The following AFF2 variants were observed in gnomAD, a reference collection of about 807,000 sequenced individuals.
AFF2 encodes ALF transcription elongation factor 2, also known as AF4/FMR2 family member 2.
A neutral mutation model predicts 76.9 loss-of-function variants in AFF2; 14 were observed. The ratio of observed to expected loss-of-function variants is 0.18; its 90% confidence interval spans 0.12 to 0.28. The LOEUF (loss-of-function observed/expected upper bound fraction) is 0.28. AFF2 is among the 10% of genes least tolerant of loss of function. The pLI, the probability that AFF2 is intolerant of heterozygous loss-of-function variation, is 1.00. For synonymous variants in AFF2, 398 were observed against 366.7 expected, an observed-to-expected ratio of 1.09 and a Z score of -0.98; for missense variants, 868 against 1,001.1, an observed-to-expected ratio of 0.87 and a Z score of 1.79.
chrX:148,966,839 A>G lies in AFF2; in HGVS notation c.2963A>G (p.Asn988Ser). The G allele has an allele frequency of 8.3e-7, 1 of 1,211,211 alleles. No individual in the cohort carries two copies. The highest frequency in any genetic ancestry group is 1.1e-6 in the Non-Finnish European group (1 of 895,422). Residue 988 changes from asparagine (N) to serine (S), a missense_variant, in exon 14 of 21, where the codon AAT becomes AGT. This residue lies in a region of AFF2 where 532 missense variants were observed against 564.2 expected (regional missense o/e 0.94). Transcript: ENST00000370460. Reference protein sequence around the residue: ...KASSATITVTNTAIATATVTA... With the variant: ...KASSATITVTSTAIATATVTA... ...TCCTCTGCCACCATCACTGTCACCAATACTGCTATTGCCACTGCTACTGTC... is the reference window on the plus strand; with the variant it reads ...TCCTCTGCCACCATCACTGTCACCAGTACTGCTATTGCCACTGCTACTGTC...
chrX:148,835,946 C>A (rs1487113247), intron 4 of AFF2, among the ~76,000 whole-genome samples: 2 of 111,720 alleles, frequency 1.8e-5, no homozygotes, highest in East Asian at 2.8e-4. Flanking sequence ...ACAGCTCCCC[C>A]ATCCCAAGCT....
intron 3 of AFF2, among the ~76,000 whole-genome samples, chrX:148,669,046 C>T (rs2054391481): frequency 9.0e-6 from 1 of 111,538 alleles, no homozygotes; most frequent in Non-Finnish European, 1.9e-5. Flanking sequence ...CTGCCAGGTA[C>T]CCTAAATCAT....
intron 7 of AFF2, among the ~76,000 whole-genome samples, chrX:148,855,059 C>T (rs1441630453): frequency 9.0e-6 from 1 of 111,522 alleles, no homozygotes; most frequent in Non-Finnish European, 1.9e-5. Context: ...AAACAGATAT[C>T]AAATATTAAA....
intron 3 of AFF2, among the ~76,000 whole-genome samples, chrX:148,723,082 C>T (rs1164404186): frequency 9.0e-6 from 1 of 111,714 alleles, no homozygotes; most frequent in Non-Finnish European, 1.9e-5. Context: ...GTTTTCCACT[C>T]CACCACACAA....
intron 1 of AFF2, among the ~76,000 whole-genome samples, chrX:148,624,096 C>T (rs1275104782): frequency 9.0e-6 from 1 of 111,667 alleles, no homozygotes; most frequent in Admixed American, 9.5e-5. Flanking sequence ...TTTGTAAGGG[C>T]CAAGTCTTTA....
At chrX:148,988,972 C>T (rs1430216721) in intron 20 of AFF2, among the ~76,000 whole-genome samples, 1 of 112,517 alleles carries the variant, frequency 8.9e-6, no homozygotes, top group Non-Finnish European at 1.9e-5. Flanking sequence ...ATTCCAGAGT[C>T]TCATTTCTTA....
At chrX:148,770,171 AG>A (rs1325245773) in intron 3 of AFF2, among the ~76,000 whole-genome samples, 2 of 111,673 alleles carry the variant, frequency 1.8e-5, no homozygotes, top group African/African-American at 6.5e-5. Context: ...AGATTAGGAG[AG>A]AAAATCATGC....
At position 148,675,283 on chromosome X, in the gene AFF2, G is replaced by GA. The variant is rs1278826796; in HGVS notation, c.1041+12526dup. 8.6e-3 allele frequency among the ~76,000 whole-genome samples: 865 copies of GA among 101,081 alleles called. 5 individuals are homozygous for GA. Among genetic ancestry groups the GA allele is most frequent in the African/African-American group, 0.027 (767 of 28,000 alleles). The allele number at this position is 101,081 out of a possible 115,157, so 87.8% of individuals were successfully genotyped here. ...TTTGGGAAACACATGGGTTGATGGAGAAAAAAAAAAAGGAGGCTGTATCTT... is the reference window on the plus strand; with the variant it reads ...TTTGGGAAACACATGGGTTGATGGAGAAAAAAAAAAAAGGAGGCTGTATCTT... On this transcript the variant is annotated intron_variant, in intron 3 of 20. Coordinates refer to ENST00000370460, the MANE Select transcript of AFF2 (RefSeq NM_002025.4).
intron 7 of AFF2, among the ~76,000 whole-genome samples, chrX:148,850,932 C>G (rs2070724765): frequency 8.9e-6 from 1 of 112,204 alleles, no homozygotes; most frequent in Admixed American, 9.4e-5. Context: ...CCTGACAAGT[C>G]TTCCAGGCCC....
intron 1 of AFF2, among the ~76,000 whole-genome samples, chrX:148,509,321 T>G (rs1387386280): frequency 8.9e-6 from 1 of 111,831 alleles, no homozygotes; most frequent in African/African-American, 3.2e-5. Flanking sequence ...CAGAAATTTT[T>G]ATTGTTTAGG....
intron 3 of AFF2, among the ~76,000 whole-genome samples, chrX:148,666,482 G>T (rs1050706932): frequency 3.8e-4 from 42 of 110,230 alleles, no homozygotes; most frequent in African/African-American, 1.3e-3. Context: ...CTACTCGGGA[G>T]GCTGAGGCAG....
intron 1 of AFF2, among the ~76,000 whole-genome samples, chrX:148,613,798 C>A (rs937100308): frequency 3.6e-5 from 4 of 111,833 alleles, no homozygotes; most frequent in Non-Finnish European, 7.5e-5. Flanking sequence ...GTCCTCATCA[C>A]TTCTGAGAAA....
chrX:148,735,426 A>G (rs1456975696), intron 3 of AFF2, among the ~76,000 whole-genome samples: 1 of 112,026 alleles, frequency 8.9e-6, no homozygotes, highest in Non-Finnish European at 1.9e-5. Context: ...TGGTTCTACC[A>G]TATAGTTTAT....
At chrX:148,824,891 G>T (rs1301734589) in intron 4 of AFF2, among the ~76,000 whole-genome samples, 1 of 110,679 alleles carries the variant, frequency 9.0e-6, no homozygotes, top group Non-Finnish European at 1.9e-5. Context: ...AAGTTAATTG[G>T]CTGGGTGTGG....
intron 7 of AFF2, among the ~76,000 whole-genome samples, chrX:148,878,425 G>T (rs781933971): frequency 1.8e-5 from 2 of 111,807 alleles, no homozygotes; most frequent in South Asian, 7.5e-4. Flanking sequence ...GGAGTACTAC[G>T]ATGGCAGTCT....
chrX:148,615,570 GAT>G (rs199888838), intron 1 of AFF2, among the ~76,000 whole-genome samples: 1,628 of 111,753 alleles, frequency 0.015, 30 homozygotes, highest in African/African-American at 0.051. Context: ...AAAGGAGATA[GAT>G]ATATTTATTC....
At chrX:148,886,742 C>G (rs1262605564) in intron 8 of AFF2, among the ~76,000 whole-genome samples, 1 of 112,287 alleles carries the variant, frequency 8.9e-6, no homozygotes, top group African/African-American at 3.2e-5. Context: ...TGCTTATCAC[C>G]TCAAGTGAGG....
At chrX:148,654,503 G>A (rs192317271) in intron 2 of AFF2, among the ~76,000 whole-genome samples, 33 of 111,318 alleles carry the variant, frequency 3.0e-4, no homozygotes, top group Admixed American at 2.7e-3. Context: ...ATTATATAAA[G>A]GGAAGCTTTT....
intron 3 of AFF2, among the ~76,000 whole-genome samples, chrX:148,723,363 G>T (rs1557263981): frequency 8.9e-6 from 1 of 111,923 alleles, no homozygotes; most frequent in African/African-American, 3.2e-5. Context: ...GAGAGATACG[G>T]AGACAAACTT....
Sources: gnomAD v4.1 joint callset for allele counts (sites outside exome capture counted in the v4.1 genomes callset) on GRCh38, gnomAD v4.1.1 for gene constraint, gnomAD v4.1.1 regional missense constraint, MANE v1.5 for transcripts, NCBI Gene and HGNC (gene_info 2026-07-23, HGNC 2026-07-21) for gene names.